Variants in LRRC4C observed in about 807,000 individuals in gnomAD.
LRRC4C encodes the protein leucine rich repeat containing 4C, also known as leucine-rich repeat-containing protein 4C.
In LRRC4C, 5 loss-of-function variants were observed where a neutral mutation model predicts 33.6. The observed-to-expected ratio is 0.15, with a 90% CI of 0.08 to 0.31. The LOEUF is 0.31. Among genes scored for constraint, LRRC4C ranks in the 10% least tolerant of loss-of-function variants. LRRC4C has a pLI of 1.00. For missense variants in LRRC4C, 560 were observed against 796.7 expected (o/e 0.70, Z 3.58); for synonymous variants, 329 against 302.0 (o/e 1.09, Z -0.93).
At chr11:40,954,605 T>C (rs899431770) in intron 1 of LRRC4C, among the ~76,000 whole-genome samples, 2 of 151,852 alleles carry the variant, frequency 1.3e-5, no homozygotes, top group African/African-American at 2.4e-5. Context: ...AGTGAGACCA[T>C]ATAAAGTATG....
At chr11:41,060,331 G>A (rs1937662049) in intron 1 of LRRC4C, among the ~76,000 whole-genome samples, 1 of 152,148 alleles carries the variant, frequency 6.6e-6, no homozygotes, top group Non-Finnish European at 1.5e-5. Flanking sequence ...CAAAACACTT[G>A]TATTAGTCTG....
chr11:41,174,741 A>G (rs1240338631), intron 1 of LRRC4C, among the ~76,000 whole-genome samples: 3 of 152,054 alleles, frequency 2.0e-5, no homozygotes, highest in Admixed American at 6.6e-5. Context: ...TCACATGTTT[A>G]TACCTTTGGC....
At chr11:41,198,970 A>T (rs1332804673) in intron 1 of LRRC4C, among the ~76,000 whole-genome samples, 1 of 152,136 alleles carries the variant, frequency 6.6e-6, no homozygotes, top group Non-Finnish European at 1.5e-5. Context: ...AGCGAAAGGT[A>T]CTAGTTGCCT....
At chr11:40,139,315 A>AT (rs892177370) in intron 6 of LRRC4C, among the ~76,000 whole-genome samples, 8 of 152,212 alleles carry the variant, frequency 5.3e-5, no homozygotes, top group Non-Finnish European at 8.8e-5. Flanking sequence ...GAACACAGAC[A>AT]TTTTTTGGAC....
chr11:40,750,699 TGTTAATGACGA>T (rs1320666482), intron 2 of LRRC4C, among the ~76,000 whole-genome samples: 1 of 150,222 alleles, frequency 6.7e-6, no homozygotes, highest in African/African-American at 2.4e-5. Flanking sequence ...ATATACCTAA[TGTTAATGACGA>T]GTTAATGGGT....
chr11:40,336,975 TCAAAAAAAAA>T (rs1170489247), intron 3 of LRRC4C, among the ~76,000 whole-genome samples: 1 of 38,586 alleles, frequency 2.6e-5, no homozygotes, highest in Non-Finnish European at 4.4e-5. Flanking sequence ...AGACTTCGTC[TCAAAAAAAAA>T]AAAAAAAAAA....
At chr11:40,742,015 A>G (rs1591602867) in intron 2 of LRRC4C, among the ~76,000 whole-genome samples, 1 of 152,044 alleles carries the variant, frequency 6.6e-6, no homozygotes, top group East Asian at 1.9e-4. Flanking sequence ...TACTTCTAAC[A>G]ATACTTTTCA....
intron 5 of LRRC4C, among the ~76,000 whole-genome samples, chr11:40,228,234 G>A (rs952887846): frequency 5.9e-5 from 9 of 152,176 alleles, no homozygotes; most frequent in Non-Finnish European, 1.2e-4. Flanking sequence ...CAGAAAGCCT[G>A]TAATATTTAC....
intron 5 of LRRC4C, among the ~76,000 whole-genome samples, chr11:40,240,370 T>C (rs1205880403): frequency 6.6e-6 from 1 of 152,216 alleles, no homozygotes; most frequent in Admixed American, 6.5e-5. Flanking sequence ...CCATGTCTAA[T>C]GGTTTGAAGA....
At chr11:41,251,858 A>G (rs186482868) in intron 1 of LRRC4C, among the ~76,000 whole-genome samples, 13 of 152,278 alleles carry the variant, frequency 8.5e-5, no homozygotes, top group Non-Finnish European at 1.3e-4. Flanking sequence ...TGTAGCTAAC[A>G]TTTGTCTCAA....
chr11:40,528,997 G>A (rs1956169340), intron 3 of LRRC4C, among the ~76,000 whole-genome samples: 1 of 152,092 alleles, frequency 6.6e-6, no homozygotes, highest in South Asian at 2.1e-4. Context: ...AGGGAGAGGG[G>A]AGAGTTGCTG....
intron 3 of LRRC4C, among the ~76,000 whole-genome samples, chr11:40,592,745 C>G (rs1303728427): frequency 6.6e-6 from 1 of 152,170 alleles, no homozygotes; most frequent in East Asian, 1.9e-4. Flanking sequence ...ATCTCCCACT[C>G]TGGCATGCAC....
intron 1 of LRRC4C, among the ~76,000 whole-genome samples, chr11:41,290,233 T>G (rs1456787199): frequency 2.0e-5 from 3 of 152,198 alleles, no homozygotes; most frequent in Admixed American, 2.0e-4. Flanking sequence ...CAAAGGAGTT[T>G]GCTTTTTTAA....
At chr11:40,574,718 C>T (rs1958116164) in intron 3 of LRRC4C, among the ~76,000 whole-genome samples, 1 of 152,206 alleles carries the variant, frequency 6.6e-6, no homozygotes, top group South Asian at 2.1e-4. Flanking sequence ...TGGCTGCACT[C>T]TCCCCTTTCT....
chr11:41,375,354 CAG>C (rs1952899811), intron 1 of LRRC4C, among the ~76,000 whole-genome samples: 1 of 152,020 alleles, frequency 6.6e-6, no homozygotes, highest in South Asian at 2.1e-4. Flanking sequence ...ATGCTTAAGG[CAG>C]AGAGTGGAGG....
At position 40,258,488 on chromosome 11, in the gene LRRC4C, A is replaced by G. The variant is rs181941989; in HGVS notation, c.-175-16890T>C. Among the ~76,000 whole-genome samples the G allele has an allele frequency of 2.9e-3, 442 of 152,308 alleles. 2 individuals carry two copies. Among genetic ancestry groups the G allele is most frequent in the Admixed American group, 5.5e-3 (84 of 15,272 alleles). ...GTATCTTTTTGCCAACTAGAATTTA[A>G]AAACCCTAGAGGCAATTCCTACATT... On this transcript the variant is annotated intron_variant, in intron 4 of 6. Transcript: ENST00000528697.
chr11:41,221,165 A>AGT (rs968933262), intron 1 of LRRC4C, among the ~76,000 whole-genome samples: 1 of 152,054 alleles, frequency 6.6e-6, no homozygotes, highest in Non-Finnish European at 1.5e-5. Flanking sequence ...GAAAGGACCC[A>AGT]GTGTGTGTTG....
At chr11:41,183,635 T>C (rs899082836) in intron 1 of LRRC4C, among the ~76,000 whole-genome samples, 3 of 152,144 alleles carry the variant, frequency 2.0e-5, no homozygotes, top group Non-Finnish European at 2.9e-5. Flanking sequence ...TGGTGTTGTG[T>C]CTGCAGCTTT....
intron 2 of LRRC4C, among the ~76,000 whole-genome samples, chr11:40,930,113 A>G (rs1299189485): frequency 6.6e-6 from 1 of 152,174 alleles, no homozygotes; most frequent in African/African-American, 2.4e-5. Context: ...AATAAGAGAA[A>G]AAGACTTGTT....
Sources: allele counts gnomAD v4.1 joint callset (sites outside exome capture counted in the v4.1 genomes callset), GRCh38; gene constraint gnomAD v4.1.1; transcripts MANE v1.5; gene names NCBI Gene and HGNC (gene_info 2026-07-23, HGNC 2026-07-21).